Variants in KDM6A observed in about 807,000 individuals in gnomAD.
KDM6A encodes the protein lysine-specific demethylase 6A.
Under a neutral mutation model 117.6 loss-of-function variants are expected in KDM6A, and 11 were observed. The ratio of observed to expected loss-of-function variants is 0.09; its 90% CI spans 0.06 to 0.15. KDM6A has a LOEUF of 0.15. KDM6A is among the 10% of genes least tolerant of loss of function. KDM6A has a pLI of 1.00. For missense variants in KDM6A, 799 were observed against 1,077.3 expected (o/e 0.74, Z 3.62); for synonymous variants, 384 against 396.1 (o/e 0.97, Z 0.36).
intron 18 of KDM6A, among the ~76,000 whole-genome samples, chrX:45,072,678 G>C (rs1279766821): frequency 9.2e-6 from 1 of 109,045 alleles, no homozygotes; most frequent in Non-Finnish European, 1.9e-5. Context: ...ACTCAGGACA[G>C]TTGCTAGAAA....
Position 45,068,273 on chromosome X carries a change from A to G in KDM6A, c.2080-1306A>G, listed in dbSNP as rs746269955. ...TGGCTGTCCTATTTAATTATTTTGT[A>G]AGTAAAATGAAATGAAAATATTCTT... is the stretch of plus-strand genomic sequence containing the variant. On this transcript the variant is annotated intron_variant, in intron 17 of 29. Transcript: ENST00000611820. Among the ~76,000 whole-genome samples the G allele has an allele frequency of 1.5e-3, 166 of 111,167 alleles. 2 individuals carry two copies. The highest frequency in any genetic ancestry group is 2.6e-3 in the Non-Finnish European group (136 of 53,044).
At position 44,970,007 on chromosome X, in the gene KDM6A, G is replaced by T. The variant is rs184242208; in HGVS notation, c.335-4659G>T. ...ACCTTAAAGATTAGAAATAAGGACT[G>T]TGCTTTGGTCAAAAGGATTTTACTA... On this transcript the variant is annotated intron_variant, in intron 3 of 29. Transcript: ENST00000611820. Among the ~76,000 whole-genome samples, 13 of 112,339 alleles carry T rather than the reference G, an allele frequency of 1.2e-4. No homozygotes were observed. The East Asian group carries it at 3.1e-3, about 26-fold the overall frequency.
intron 2 of KDM6A, among the ~76,000 whole-genome samples, chrX:44,890,467 TC>T (rs1305746730): frequency 9.0e-6 from 1 of 110,655 alleles, no homozygotes; most frequent in African/African-American, 3.3e-5. Flanking sequence ...TCAAACTGTT[TC>T]CCGGAGCTGC....
intron 27 of KDM6A, among the ~76,000 whole-genome samples, chrX:45,100,164 C>T (rs1387912281): frequency 8.9e-6 from 1 of 112,046 alleles, no homozygotes; most frequent in East Asian, 2.8e-4. Flanking sequence ...TCATAAGACT[C>T]ATACATTCCT....
intron 18 of KDM6A, among the ~76,000 whole-genome samples, chrX:45,070,847 G>C (rs1401112457): frequency 9.0e-6 from 1 of 110,531 alleles, no homozygotes; most frequent in African/African-American, 3.3e-5. Context: ...AGGCAGAAGA[G>C]GAAGGAAGAG....
intron 10 of KDM6A, among the ~76,000 whole-genome samples, chrX:45,058,087 CTT>C (rs1448650686): frequency 4.0e-5 from 2 of 50,131 alleles, no homozygotes; most frequent in African/African-American, 7.7e-5. Context: ...CCCCCCCCCC[CTT>C]TTTTTTTTTG....
chrX:44,912,929 T>G (rs750244330), intron 2 of KDM6A, among the ~76,000 whole-genome samples: 1 of 112,605 alleles, frequency 8.9e-6, no homozygotes, highest in South Asian at 3.6e-4. Context: ...AAGTTTGCAA[T>G]GTTATCTGCC....
Position 45,029,624 on chromosome X carries a change from AG to A in KDM6A, c.565-5306del, listed in dbSNP as rs1260499116. On this transcript the variant is annotated intron_variant, in intron 6 of 29. Coordinates refer to ENST00000611820, the MANE Select transcript of KDM6A (RefSeq NM_001291415.2). The stretch of plus-strand genomic sequence containing the variant: ...GAGATTGTCTCAAAAAAAAAAAAAA[AG>A]TTATATTTTAAAAGGATATTCTACA... Among the ~76,000 whole-genome samples the A allele has an allele frequency of 7.3e-5, 8 of 109,677 alleles. No individual in the cohort carries two copies. In the East Asian group the frequency reaches 2.3e-3, roughly 31 times the overall value.
At chrX:44,975,022 T>C (rs1366408094) in intron 4 of KDM6A, among the ~76,000 whole-genome samples, 1 of 111,772 alleles carries the variant, frequency 8.9e-6, no homozygotes, top group Non-Finnish European at 1.9e-5. Flanking sequence ...TTGGTTTTCT[T>C]TTCTAAAGTT....
At chrX:45,001,260 C>T (rs7057334) in intron 4 of KDM6A, among the ~76,000 whole-genome samples, 13,119 of 111,091 alleles carry the variant, frequency 0.12, 897 homozygotes, top group African/African-American at 0.26. Context: ...GAACTTTGAG[C>T]GTTTGAGATA....
intron 4 of KDM6A, among the ~76,000 whole-genome samples, chrX:44,999,104 A>AGCCAGGAGTTCGAG (rs377124216): frequency 0.21 from 23,785 of 110,975 alleles, 4,317 homozygotes; most frequent in African/African-American, 0.6. Flanking sequence ...GATCACATGA[A>AGCCAGGAGTTCGAG]GCCAGTCTGG....
intron 4 of KDM6A, among the ~76,000 whole-genome samples, chrX:44,995,248 T>C (rs142236030): frequency 0.023 from 2,579 of 111,117 alleles, 47 homozygotes; most frequent in Non-Finnish European, 0.037. Context: ...CAGTGTTGGC[T>C]TACCTTTCTG....
intron 4 of KDM6A, among the ~76,000 whole-genome samples, chrX:44,983,678 C>T (rs192910538): frequency 1.9e-5 from 2 of 106,586 alleles, no homozygotes; most frequent in African/African-American, 6.9e-5. Flanking sequence ...GTTTTTTGTC[C>T]TTAAGATAGT....
At position 45,005,330 on chromosome X, in the gene KDM6A, T is replaced by C. The variant is rs749413008; in HGVS notation, c.385-5631T>C. On this transcript the variant is annotated intron_variant, in intron 4 of 29. Transcript: ENST00000611820. Reference sequence around the variant, plus strand: ...GGGGAAGATAGTCTAGGGGATCCCATGCGCTGGAGTCTTTAGGCATGAGAG... The same window carrying C: ...GGGGAAGATAGTCTAGGGGATCCCACGCGCTGGAGTCTTTAGGCATGAGAG... Among the ~76,000 whole-genome samples the C allele has an allele frequency of 2.7e-5, 3 of 110,501 alleles. No individual in the cohort carries two copies. The South Asian group carries it at 1.2e-3, about 43-fold the overall frequency.
chrX:45,066,021 T>C (rs1456951580), intron 17 of KDM6A, among the ~76,000 whole-genome samples: 2 of 111,915 alleles, frequency 1.8e-5, no homozygotes, highest in Non-Finnish European at 3.8e-5. Flanking sequence ...CCCCACGACC[T>C]GTGTTTTTTA....
chrX:44,963,939 G>A (rs1385736174), intron 3 of KDM6A, among the ~76,000 whole-genome samples: 1 of 108,585 alleles, frequency 9.2e-6, no homozygotes, highest in Admixed American at 9.8e-5. Flanking sequence ...GGCTGGTCGC[G>A]AACTCCTGAC....
rs368410592 is a variant in KDM6A, at chrX:45,032,331, G to A, written c.565-2600G>A. 9.0e-5 allele frequency among the ~76,000 whole-genome samples: 10 copies of A among 111,344 alleles called. No homozygotes were observed. The East Asian group carries it at 2.8e-3, about 31-fold the overall frequency. ...TTTCTACTGGTGTATATGTTAATAG[G>A]TATATCTATTTTGCATCTGGTTTAG... is the stretch of plus-strand genomic sequence containing the variant. On this transcript the variant is annotated intron_variant, in intron 6 of 29. Coordinates refer to ENST00000611820, the MANE Select transcript of KDM6A (RefSeq NM_001291415.2).
intron 2 of KDM6A, among the ~76,000 whole-genome samples, chrX:44,915,480 C>T (rs1417323207): frequency 8.9e-6 from 1 of 111,974 alleles, no homozygotes; most frequent in African/African-American, 3.2e-5. Flanking sequence ...AACCTTTTAT[C>T]GTAGAAGAGC....
chrX:44,885,967 A>C (rs1195092466), intron 2 of KDM6A, among the ~76,000 whole-genome samples: 3 of 111,515 alleles, frequency 2.7e-5, no homozygotes, highest in African/African-American at 9.8e-5. Context: ...ACTTTTAAGC[A>C]TATTCTGTTA....
Sources: gnomAD v4.1 joint callset for allele counts (sites outside exome capture counted in the v4.1 genomes callset) on GRCh38, gnomAD v4.1.1 for gene constraint, MANE v1.5 for transcripts, NCBI Gene and HGNC (gene_info 2026-07-23, HGNC 2026-07-21) for gene names.